Variants in MSRB3 observed in about 807,000 individuals in gnomAD.
MSRB3 encodes the protein methionine sulfoxide reductase B3.
A neutral mutation model predicts 21.0 loss-of-function variants in MSRB3; 13 were observed. The observed-to-expected ratio is 0.62, with a 90% CI of 0.40 to 0.98. MSRB3 has a LOEUF of 0.98. Ranked by LOEUF, MSRB3 falls within the 50% of genes least tolerant of loss-of-function variation. The pLI, the probability that MSRB3 is intolerant of heterozygous loss-of-function variation, is 0.00. For missense variants in MSRB3, 199 were observed against 230.3 expected (o/e 0.86, Z 0.88); for synonymous variants, 87 against 88.6 (o/e 0.98, Z 0.10).
intron 5 of MSRB3, among the ~76,000 whole-genome samples, chr12:65,403,388 C>T (rs116036012): frequency 0.011 from 1,662 of 152,230 alleles, 39 homozygotes; most frequent in African/African-American, 0.039. Context: ...AAATTTCTGG[C>T]GGCTTTGTTT....
intron 5 of MSRB3, among the ~76,000 whole-genome samples, chr12:65,387,906 A>G (rs1270400155): frequency 6.6e-6 from 1 of 151,970 alleles, no homozygotes; most frequent in East Asian, 1.9e-4. Context: ...TCTTTCTTTT[A>G]TGGTATTTAC....
In MSRB3 at chr12:65,464,972, C is replaced by A. The variant is rs990317007; in HGVS notation, c.*1650C>A. ...GTAAAATGTATTGATACTCTCAGGG[C>A]AAATTCACTATATTGCTATACAGTT... On this transcript the variant is annotated 3_prime_UTR_variant, in exon 7 of 7. Coordinates refer to ENST00000308259, the MANE Select transcript of MSRB3 (RefSeq NM_001031679.3). 6.6e-6 allele frequency: 1 copy of A among 152,168 alleles called. No homozygotes were observed. Among genetic ancestry groups the A allele is most frequent in the South Asian group, 2.1e-4 (1 of 4,830 alleles). 9.4% of individuals were successfully genotyped at this position (152,168 alleles called of 1,614,324 possible).
chr12:65,329,374 G>T (rs923148385), intron 4 of MSRB3, among the ~76,000 whole-genome samples: 1 of 152,214 alleles, frequency 6.6e-6, no homozygotes, highest in Non-Finnish European at 1.5e-5. Context: ...CATTGGCTGG[G>T]TGTGGTGGCC....
At chr12:65,320,483 C>T (rs1874591267) in intron 2 of MSRB3, among the ~76,000 whole-genome samples, 1 of 152,130 alleles carries the variant, frequency 6.6e-6, no homozygotes, top group Non-Finnish European at 1.5e-5. Flanking sequence ...AGGGCAACAG[C>T]ATTGTTTGGC....
intron 1 of MSRB3, among the ~76,000 whole-genome samples, chr12:65,298,497 A>T (rs2136406702): frequency 6.6e-6 from 1 of 152,282 alleles, no homozygotes; most frequent in South Asian, 2.1e-4. Context: ...AATTTTGCAA[A>T]ATATTTTATT....
chr12:65,346,472 T>A (rs1202099144), intron 4 of MSRB3, among the ~76,000 whole-genome samples: 8 of 151,886 alleles, frequency 5.3e-5, no homozygotes, highest in South Asian at 4.1e-4. Context: ...TTCATTGTAG[T>A]TTCTGGATAT....
chr12:65,455,402 G>T (rs567890189), intron 6 of MSRB3, among the ~76,000 whole-genome samples: 1 of 152,312 alleles, frequency 6.6e-6, no homozygotes, highest in African/African-American at 2.4e-5. Flanking sequence ...GGAACTTTCT[G>T]GTGCTGGGTT....
intron 1 of MSRB3, chr12:65,281,755 A>G (rs1872034229): frequency 1.3e-5 from 2 of 152,160 alleles, no homozygotes; most frequent in South Asian, 4.1e-4. Flanking sequence ...GCATCCAAAC[A>G]TTTCTGTGGT....
intron 6 of MSRB3, among the ~76,000 whole-genome samples, chr12:65,460,653 T>C (rs536222225): frequency 1.2e-4 from 19 of 152,256 alleles, no homozygotes; most frequent in African/African-American, 3.1e-4. Flanking sequence ...TTTCTGAGGA[T>C]TTTTCTACCC....
At chr12:65,459,336 A>T (rs1175705831) in intron 6 of MSRB3, among the ~76,000 whole-genome samples, 1 of 152,192 alleles carries the variant, frequency 6.6e-6, no homozygotes, top group Non-Finnish European at 1.5e-5. Flanking sequence ...AAACCTTATT[A>T]ATCTTCTACA....
chr12:65,361,237 T>C (rs1877681158), intron 4 of MSRB3, among the ~76,000 whole-genome samples: 1 of 152,130 alleles, frequency 6.6e-6, no homozygotes, highest in Non-Finnish European at 1.5e-5. Flanking sequence ...TACTTTATGG[T>C]ATCGTCTCAT....
At chr12:65,456,822 G>GT (rs1269692348) in intron 6 of MSRB3, among the ~76,000 whole-genome samples, 1 of 152,186 alleles carries the variant, frequency 6.6e-6, no homozygotes, top group East Asian at 1.9e-4. Flanking sequence ...CTAACGAATG[G>GT]TATGTGTGCC....
chr12:65,420,011 T>G, intron 5 of MSRB3: 1 of 559,016 alleles, frequency 1.8e-6, no homozygotes, highest in Non-Finnish European at 3.6e-6. Context: ...GTGGAGCGAG[T>G]GGTGAAGCTC....
intron 5 of MSRB3, chr12:65,419,070 A>G: frequency 1.4e-6 from 1 of 698,588 alleles, no homozygotes; most frequent in African/African-American, 1.7e-5. Context: ...TGGCCTTCAG[A>G]TTTCTCATGG....
chr12:65,399,578 T>A (rs930810927), intron 5 of MSRB3, among the ~76,000 whole-genome samples: 1 of 152,170 alleles, frequency 6.6e-6, no homozygotes, highest in Non-Finnish European at 1.5e-5. Flanking sequence ...TGTCTTCCTA[T>A]TTGAATACCT....
At chr12:65,438,141 T>C (rs751242416) in intron 5 of MSRB3, among the ~76,000 whole-genome samples, 9 of 151,962 alleles carry the variant, frequency 5.9e-5, no homozygotes, top group Non-Finnish European at 1.0e-4. Flanking sequence ...GAAAAATTCT[T>C]TCTGATACAA....
chr12:65,279,848 A>AGCTT (rs1565811699), intron 1 of MSRB3, among the ~76,000 whole-genome samples: 1 of 152,242 alleles, frequency 6.6e-6, no homozygotes, highest in Non-Finnish European at 1.5e-5. Flanking sequence ...TAGTCGTCAA[A>AGCTT]GCTTCTTGCT....
chr12:65,370,456 T>G (rs533284047), intron 5 of MSRB3, among the ~76,000 whole-genome samples: 1 of 152,320 alleles, frequency 6.6e-6, no homozygotes, highest in Admixed American at 6.5e-5. Flanking sequence ...AAACTGGTTT[T>G]AGGGTACAGG....
intron 6 of MSRB3, 50 bp from the exon 7 acceptor site, chr12:65,463,105 A>T (rs774210548): frequency 1.9e-6 from 3 of 1,611,080 alleles, no homozygotes; most frequent in African/African-American, 2.7e-5. Context: ...ATTCCTCTCA[A>T]AGCCTGCTTT....
Sources: allele counts gnomAD v4.1 joint callset (sites outside exome capture counted in the v4.1 genomes callset), GRCh38; gene constraint gnomAD v4.1.1; transcripts MANE v1.5; gene names NCBI Gene and HGNC (gene_info 2026-07-23, HGNC 2026-07-21).